MAD2L1BP: variants seen among roughly 807,000 people sequenced by gnomAD.
The protein encoded by MAD2L1BP is MAD2L1-binding protein.
A neutral mutation model predicts 28.4 loss-of-function variants in MAD2L1BP; 22 were observed. The ratio of observed to expected loss-of-function variants is 0.77; its 90% confidence interval spans 0.55 to 1.10. The LOEUF (loss-of-function observed/expected upper bound fraction) is 1.10. MAD2L1BP is among the 50% of genes least tolerant of loss of function. MAD2L1BP has a pLI of 0.00. For missense variants in MAD2L1BP, 325 were observed against 350.5 expected (o/e 0.93, Z 0.58); for synonymous variants, 146 against 133.7 (o/e 1.09, Z -0.63).
chr6:43,638,234 G>C (rs1770360747), intron 2 of MAD2L1BP, among the ~76,000 whole-genome samples: 1 of 151,832 alleles, frequency 6.6e-6, no homozygotes, highest in South Asian at 2.1e-4. Flanking sequence ...TAGAGATGGA[G>C]TTTCACCATG....
chr6:43,635,948 G>T, intron 1 of MAD2L1BP, 27 bp downstream of exon 1: 2 of 1,530,484 alleles, frequency 1.3e-6, no homozygotes. Context: ...AGAGTTTGGG[G>T]AGCCTTGGGG....
At chr6:43,629,630 C>A in exon 1 of MAD2L1BP, 1 of 1,075,776 alleles carries the variant, frequency 9.3e-7, no homozygotes, top group Non-Finnish European at 1.4e-6. Flanking sequence ...GTGGGCGCTC[C>A]GGGATTTGGC....
chr6:43,632,883 G>A (rs1413684982), upstream of MAD2L1BP, among the ~76,000 whole-genome samples: 3 of 151,990 alleles, frequency 2.0e-5, no homozygotes, highest in East Asian at 3.9e-4. Flanking sequence ...TTAGCTGGGT[G>A]TGGTGGTGGG....
At chr6:43,636,234 C>T in intron 1 of MAD2L1BP, 147 bp from the exon 2 acceptor site, 1 of 739,238 alleles carries the variant, frequency 1.4e-6, no homozygotes, top group Non-Finnish European at 2.2e-6. Flanking sequence ...CCTGCCACGG[C>T]CCATACTGTA....
chr6:43,637,063 T>C (rs1192596971), intron 2 of MAD2L1BP, among the ~76,000 whole-genome samples: 1 of 150,862 alleles, frequency 6.6e-6, no homozygotes, highest in Non-Finnish European at 1.5e-5. Flanking sequence ...TTTTAATTAA[T>C]TTATTTATTT....
chr6:43,630,054 T>C (rs888941285), intron 1 of MAD2L1BP, among the ~76,000 whole-genome samples: 1 of 152,080 alleles, frequency 6.6e-6, no homozygotes, highest in East Asian at 1.9e-4. Flanking sequence ...CTGAGTTTGG[T>C]TTTAAACGGC....
At chr6:43,629,831 T>A in intron 1 of MAD2L1BP, 1 of 1,528,768 alleles carries the variant, frequency 6.5e-7, no homozygotes, top group South Asian at 1.2e-5. Context: ...CGGCTGTTAT[T>A]GTTGGGATGA....
In MAD2L1BP at chr6:43,640,116, C is replaced by T; in HGVS notation, c.408C>T (p.Ser136=). Residue 136 remains serine (S), a synonymous_variant, in exon 3 of 3, where the codon AGC becomes AGT. Coordinates refer to ENST00000372171, the MANE Select transcript of MAD2L1BP (RefSeq NM_014628.3). ...QALAELESVL[S]HLEDFFARTL... ...TGGCAGAACTGGAGAGTGTCCTCAGCCACCTGGAGGACTTCTTTGCACGGA... is the reference window on the plus strand; with the variant it reads ...TGGCAGAACTGGAGAGTGTCCTCAGTCACCTGGAGGACTTCTTTGCACGGA... The T allele has an allele frequency of 1.2e-6, 2 of 1,607,932 alleles. No individual in the cohort carries two copies. The highest frequency in any genetic ancestry group is 1.1e-5 in the South Asian group (1 of 90,622).
intron 2 of MAD2L1BP, among the ~76,000 whole-genome samples, chr6:43,637,288 C>T (rs1770285329): frequency 6.6e-6 from 1 of 151,986 alleles, no homozygotes; most frequent in South Asian, 2.1e-4. Context: ...TGGTCTCGAA[C>T]TCCTGACCTC....
chr6:43,637,308 G>T (rs1770286803), intron 2 of MAD2L1BP, among the ~76,000 whole-genome samples: 1 of 151,976 alleles, frequency 6.6e-6, no homozygotes, highest in Non-Finnish European at 1.5e-5. Context: ...CAAGTGATCT[G>T]CCCGCCTTGG....
chr6:43,635,298 G>A (rs1237534609), upstream of MAD2L1BP, among the ~76,000 whole-genome samples: 2 of 152,116 alleles, frequency 1.3e-5, no homozygotes, highest in Non-Finnish European at 2.9e-5. Context: ...CTTGTCTCAA[G>A]GTCTCCAGGA....
In MAD2L1BP at chr6:43,640,657, G is replaced by A; in HGVS notation, c.*124G>A. The A allele has an allele frequency of 9.7e-7, 1 of 1,033,510 alleles. No homozygotes were observed. Among genetic ancestry groups the A allele is most frequent in the South Asian group, 1.8e-5 (1 of 56,222 alleles). 64.0% of individuals were successfully genotyped at this position (1,033,510 alleles called of 1,614,324 possible). On this transcript the variant is annotated 3_prime_UTR_variant, in exon 3 of 3. Transcript: ENST00000372171. ...TGAGAGAGGAAGCAACTCTCCTTCT[G>A]GTTGTCTGCCTCCCCTCAGATTTCC...
intron 2 of MAD2L1BP, 69 bp from the exon 3 acceptor site, chr6:43,639,952 G>A: frequency 2.8e-6 from 4 of 1,410,970 alleles, no homozygotes; most frequent in Non-Finnish European, 3.8e-6. Flanking sequence ...ATCCCAGCAG[G>A]GTTCTTTTCA....
Position 43,640,225 on chromosome 6 carries a change from G to A in MAD2L1BP, c.517G>A (p.Ala173Thr). The A allele has an allele frequency of 6.2e-7, 1 of 1,613,816 alleles. No homozygotes were observed. The highest frequency in any genetic ancestry group is 8.5e-7 in the Non-Finnish European group (1 of 1,179,934). ...EFYELDLSLL[A>T]PYSVDQSLST... ...CTATGAACTCGACTTGTCTCTGCTG[G>A]CCCCCTACAGCGTGGACCAGAGCCT... Residue 173 changes from alanine to threonine, a missense_variant, in exon 3 of 3, where the codon GCC (alanine) becomes ACC (threonine). Physicochemically the swap from Ala to Thr is moderately conservative, Grantham distance 58. Coordinates refer to ENST00000372171, the MANE Select transcript of MAD2L1BP (RefSeq NM_014628.3).
rs778759194 is a variant in MAD2L1BP, at chr6:43,640,289, T to C, written c.581T>C (p.Ile194Thr). 1.2e-6 allele frequency: 2 copies of C among 1,613,626 alleles called. No homozygotes were observed. The highest frequency in any genetic ancestry group is 2.2e-5 in the South Asian group (2 of 91,040). The change falls in exon 3 of 3, where the codon ATA becomes ACA. Residue 194 changes from isoleucine (I) to threonine (T), a missense_variant. Transcript: ENST00000372171. Reference protein sequence around the residue: ...AACLRRLFRAIFMADAFSELQ... With the variant: ...AACLRRLFRATFMADAFSELQ... ...TGTTTGCGCCGTCTCTTCCGAGCCA[T>C]ATTCATGGCTGATGCCTTTAGCGAG...
chr6:43,632,003 G>A (rs918246644), upstream of MAD2L1BP, among the ~76,000 whole-genome samples: 3 of 151,846 alleles, frequency 2.0e-5, no homozygotes, highest in South Asian at 2.1e-4. Flanking sequence ...GGGTTCAAGC[G>A]ATTCTCCTGC....
chr6:43,636,368 T>G lies in MAD2L1BP; in HGVS notation c.47-13T>G, dbSNP rs888894914. On this transcript the variant is annotated splice_polypyrimidine_tract_variant and intron_variant, in intron 1 of 2. Transcript: ENST00000372171. ...TTTAATTTTTCTCTCTTGTCCCTCTTTTCATCTACCAGATTTGGAGTGGTA... is the reference window on the plus strand; with the variant it reads ...TTTAATTTTTCTCTCTTGTCCCTCTGTTCATCTACCAGATTTGGAGTGGTA... The G allele has an allele frequency of 1.2e-6, 2 of 1,612,884 alleles. No homozygotes were observed. Among genetic ancestry groups the G allele is most frequent in the Admixed American group, 1.7e-5 (1 of 59,838 alleles).
rs1178209483 is a variant in MAD2L1BP, at chr6:43,629,590, G to GT, written c.-159dup. ...GGGGTGGGGACGCGAGGACACCAGC[G>GT]TAGAAGAGCTTACATCAGAATCGAG... On this transcript the variant is annotated 5_prime_UTR_variant, in exon 1 of 4. Transcript: ENST00000451025. The GT allele has an allele frequency of 1.0e-4, 75 of 752,802 alleles. No homozygotes were observed. In the African/African-American group the frequency reaches 1.0e-3, roughly 10 times the overall value. The allele number at this position is 752,802 out of a possible 1,614,324, so 46.6% of individuals were successfully genotyped here. A position where few individuals can be genotyped will look rare whatever the true frequency, so the allele number is the denominator to read the frequency against.
chr6:43,631,518 CTG>C (rs1769926526), upstream of MAD2L1BP, among the ~76,000 whole-genome samples: 1 of 152,206 alleles, frequency 6.6e-6, no homozygotes, highest in Non-Finnish European at 1.5e-5. Context: ...AGGTCTCCCT[CTG>C]TCACTCAGGC....
Sources: gnomAD v4.1 joint callset for allele counts (sites outside exome capture counted in the v4.1 genomes callset) on GRCh38, gnomAD v4.1.1 for gene constraint, MANE v1.5 for transcripts, NCBI Gene and HGNC (gene_info 2026-07-23, HGNC 2026-07-21) for gene names.